PTPN4: variants seen among roughly 807,000 people sequenced by gnomAD.
The protein encoded by PTPN4 is protein tyrosine phosphatase non-receptor type 4.
In PTPN4, 49 loss-of-function variants were observed where a neutral mutation model predicts 135.5. The observed-to-expected ratio is 0.36, with a 90% CI of 0.29 to 0.46. The LOEUF (loss-of-function observed/expected upper bound fraction) is 0.46. Ranked by LOEUF, PTPN4 falls within the 20% of genes least tolerant of loss-of-function variation. The pLI, the probability that PTPN4 is intolerant of heterozygous loss-of-function variation, is 1.00. For missense variants in PTPN4, 860 were observed against 1,101.0 expected (o/e 0.78, Z 3.10); for synonymous variants, 333 against 369.9 (o/e 0.90, Z 1.14).
intron 12 of PTPN4, among the ~76,000 whole-genome samples, chr2:119,921,002 C>A (rs978386806): frequency 2.0e-5 from 3 of 152,166 alleles, no homozygotes; most frequent in Non-Finnish European, 4.4e-5. Flanking sequence ...AACCCTTGGC[C>A]AGTCGCAATG....
intron 5 of PTPN4, among the ~76,000 whole-genome samples, 163 bp from the exon 6 acceptor site, chr2:119,881,623 C>T (rs1678079516): frequency 6.6e-6 from 1 of 152,028 alleles, no homozygotes; most frequent in Non-Finnish European, 1.5e-5. Flanking sequence ...GATTCATGAG[C>T]TTATGAAATC....
At chr2:119,917,728 C>CA (rs907913245) in intron 11 of PTPN4, among the ~76,000 whole-genome samples, 15 of 150,130 alleles carry the variant, frequency 1.0e-4, no homozygotes, top group African/African-American at 2.4e-4. Context: ...GACTCTGTCT[C>CA]AAAAAAAACA....
At chr2:119,844,373 G>C (rs1490964445) in intron 2 of PTPN4, among the ~76,000 whole-genome samples, 18 of 145,998 alleles carry the variant, frequency 1.2e-4, no homozygotes, top group African/African-American at 3.8e-4. Context: ...CCTCCCTCCC[G>C]GACGGGGTGG....
chr2:119,928,005 T>G (rs1249019062), intron 13 of PTPN4, among the ~76,000 whole-genome samples: 5 of 152,170 alleles, frequency 3.3e-5, no homozygotes, highest in Admixed American at 2.0e-4. Flanking sequence ...TAAAGAAAAT[T>G]TATCATCCCA....
Position 119,809,974 on chromosome 2 carries a change from C to G in PTPN4, c.121C>G (p.Gln41Glu), listed in dbSNP as rs923989200. The change falls in exon 2 of 27, where the codon CAA (glutamine) becomes GAA (glutamate). Residue 41 changes from glutamine to glutamate, a missense_variant. Physicochemically the swap from Gln to Glu is conservative, Grantham distance 29. Transcript: ENST00000263708. ...CATCCTTCTTCTGGATAACACTGTA[C>G]AAGCTTTCAAAGTCAATGTAAGTAT... ...CNILLLDNTV[Q>E]AFKVNKHDQG... 1 of 1,608,200 alleles carries G rather than the reference C, an allele frequency of 6.2e-7. No individual in the cohort carries two copies. The highest frequency in any genetic ancestry group is 1.1e-5 in the South Asian group (1 of 89,426).
chr2:119,834,143 C>T (rs1677258422), intron 2 of PTPN4, among the ~76,000 whole-genome samples: 1 of 152,142 alleles, frequency 6.6e-6, no homozygotes, highest in Non-Finnish European at 1.5e-5. Context: ...TATCCATCAC[C>T]TTGAGTATTT....
At chr2:119,921,999 C>T (rs1678743518) in intron 12 of PTPN4, among the ~76,000 whole-genome samples, 1 of 152,178 alleles carries the variant, frequency 6.6e-6, no homozygotes, top group Non-Finnish European at 1.5e-5. Flanking sequence ...GGACCAATAA[C>T]CAGTCTTCAA....
intron 1 of PTPN4, among the ~76,000 whole-genome samples, chr2:119,792,867 G>A (rs188711661): frequency 5.5e-4 from 83 of 152,228 alleles, no homozygotes; most frequent in Non-Finnish European, 9.4e-4. Context: ...TTTTATTAGC[G>A]ATTTTCAAAG....
rs1289170829 is a variant in PTPN4 at position 119,978,146 on chromosome 2, A to ATGCT, written c.*1078_*1081dup. ...CGGTTTAGCAGCTCAACTTTAAAAG[A>ATGCT]TGCTTTTATGCTTCAAATTTCATAT... On this transcript the variant is annotated 3_prime_UTR_variant, in exon 27 of 27. Coordinates refer to ENST00000263708, the MANE Select transcript of PTPN4 (RefSeq NM_002830.4). 1.3e-5 allele frequency: 2 copies of ATGCT among 152,312 alleles called. No individual in the cohort carries two copies. The highest frequency in any genetic ancestry group is 4.8e-5 in the African/African-American group (2 of 41,578). The allele number at this position is 152,312 out of a possible 1,614,324, so 9.4% of individuals were successfully genotyped here. A position where few individuals can be genotyped will look rare whatever the true frequency, so the allele number is the denominator to read the frequency against.
intron 11 of PTPN4, among the ~76,000 whole-genome samples, chr2:119,918,105 A>C (rs2105027363): frequency 6.6e-6 from 1 of 152,336 alleles, no homozygotes; most frequent in East Asian, 1.9e-4. Context: ...AAACATATGA[A>C]CTATATATGT....
rs142920446 is a variant in PTPN4 at position 119,795,311 on chromosome 2, C to T, written c.-17-14526C>T. Among the ~76,000 whole-genome samples the T allele has an allele frequency of 8.1e-4, 123 of 152,314 alleles. 1 individual carries two copies. Among genetic ancestry groups the T allele is most frequent in the African/African-American group, 2.8e-3 (115 of 41,584 alleles). On this transcript the variant is annotated intron_variant, in intron 1 of 26. Coordinates refer to ENST00000263708, the MANE Select transcript of PTPN4 (RefSeq NM_002830.4). ...CTGTGGCTTGAAGGTGGGGCTTTAC[C>T]GGGGACCTGGCTGGCCTCTTCCACC...
intron 1 of PTPN4, among the ~76,000 whole-genome samples, chr2:119,777,654 T>A (rs1238367252): frequency 2.0e-5 from 3 of 152,108 alleles, no homozygotes; most frequent in Non-Finnish European, 2.9e-5. Context: ...ACTAGAGTAT[T>A]TTATATATAT....
chr2:119,871,489 C>T (rs1474027455), intron 3 of PTPN4, among the ~76,000 whole-genome samples: 1 of 151,986 alleles, frequency 6.6e-6, no homozygotes, highest in Non-Finnish European at 1.5e-5. Context: ...ACCACTTGCG[C>T]TCAGGAGTTC....
chr2:119,914,298 T>C (rs1301722921), intron 10 of PTPN4, among the ~76,000 whole-genome samples: 1 of 139,494 alleles, frequency 7.2e-6, no homozygotes, highest in African/African-American at 2.7e-5. Flanking sequence ...TAATGCCCTC[T>C]CTCTATGACA....
intron 3 of PTPN4, among the ~76,000 whole-genome samples, chr2:119,871,631 T>C (rs1322400427): frequency 6.6e-6 from 1 of 152,090 alleles, no homozygotes; most frequent in Non-Finnish European, 1.5e-5. Context: ...GGCTACCTCT[T>C]TGGATGGAAG....
chr2:119,933,784 C>T (rs956629102), intron 14 of PTPN4, among the ~76,000 whole-genome samples: 1 of 152,026 alleles, frequency 6.6e-6, no homozygotes, highest in South Asian at 2.1e-4. Flanking sequence ...AGCTTTAATA[C>T]TTAACGTGTT....
At chr2:119,848,997 G>A (rs1326227004) in intron 2 of PTPN4, among the ~76,000 whole-genome samples, 2 of 152,080 alleles carry the variant, frequency 1.3e-5, no homozygotes, top group East Asian at 3.9e-4. Context: ...CTACTGGTGA[G>A]CCCCTTAAAT....
rs566017784 is a variant in PTPN4, at chr2:119,792,414, T to G, written c.-17-17423T>G. ...TGAGGCAGAGAGAGGCTAACTAGAA[T>G]AAACACACAACTGGTTATCACTGTT... On this transcript the variant is annotated intron_variant, in intron 1 of 26. Coordinates refer to ENST00000263708, the MANE Select transcript of PTPN4 (RefSeq NM_002830.4). 5.3e-5 allele frequency among the ~76,000 whole-genome samples: 8 copies of G among 152,314 alleles called. No individual in the cohort carries two copies. The East Asian group carries it at 1.5e-3, about 29-fold the overall frequency.
intron 24 of PTPN4, 30 bp downstream of exon 24, chr2:119,962,774 A>T (rs1371436081): frequency 3.3e-6 from 5 of 1,506,136 alleles, no homozygotes; most frequent in Non-Finnish European, 4.5e-6. Context: ...GTTCATTAGA[A>T]CTGTTGTGTT....
Sources: allele counts gnomAD v4.1 joint callset (sites outside exome capture counted in the v4.1 genomes callset), GRCh38; gene constraint gnomAD v4.1.1; transcripts MANE v1.5; gene names NCBI Gene and HGNC (gene_info 2026-07-23, HGNC 2026-07-21).